SLC22A14: variants seen among roughly 807,000 people sequenced by gnomAD.
SLC22A14 encodes the protein solute carrier family 22 member 14, also known as organic cation transporter-like 4.
A neutral mutation model predicts 53.9 loss-of-function variants in SLC22A14; 50 were observed. That is an observed-to-expected ratio of 0.93 (90% CI 0.74 to 1.17). SLC22A14 has a LOEUF of 1.17. Among genes scored for constraint, SLC22A14 ranks in the 50% most tolerant of loss-of-function variants. The pLI is 0.00. For synonymous variants in SLC22A14, 312 were observed against 303.0 expected (o/e 1.03, Z -0.31); for missense variants, 671 against 734.7 (o/e 0.91, Z 1.00).
intron 1 of SLC22A14, among the ~76,000 whole-genome samples, chr3:38,282,594 C>T (rs1455261887): frequency 6.6e-6 from 1 of 152,154 alleles, no homozygotes; most frequent in Non-Finnish European, 1.5e-5. Flanking sequence ...CCTGGCTATG[C>T]TTCTCCCAGG....
At chr3:38,300,297 G>A (rs543614328) in intron 1 of SLC22A14, among the ~76,000 whole-genome samples, 34 of 152,204 alleles carry the variant, frequency 2.2e-4, no homozygotes, top group African/African-American at 7.2e-4. Context: ...AAAATTAGCC[G>A]GATGTGGTGG....
intron 10 of SLC22A14, among the ~76,000 whole-genome samples, chr3:38,317,763 C>T (rs974186393): frequency 1.3e-5 from 2 of 152,220 alleles, no homozygotes; most frequent in African/African-American, 2.4e-5. Flanking sequence ...TGCCTTATCT[C>T]GCTCTATCCT....
chr3:38,286,315 C>A (rs1410828243), intron 1 of SLC22A14, among the ~76,000 whole-genome samples: 1 of 152,178 alleles, frequency 6.6e-6, no homozygotes, highest in Admixed American at 6.5e-5. Context: ...ATTTGCATTT[C>A]CCTCATTATT....
At position 38,315,755 on chromosome 3, in the gene SLC22A14, G is replaced by A; in HGVS notation, c.1532+44G>A. On this transcript the variant is annotated intron_variant, in intron 9 of 10. Transcript: ENST00000448498. ...GAGGGGGCCATGGGGACATGCGCAG[G>A]GAGTGACAATGACAAGATTAATGCA... 3.2e-6 allele frequency: 5 copies of A among 1,583,778 alleles called. No homozygotes were observed. The South Asian group carries it at 3.3e-5, about 11-fold the overall frequency.
chr3:38,304,869 A>C (rs1704260427), intron 1 of SLC22A14, among the ~76,000 whole-genome samples: 1 of 152,036 alleles, frequency 6.6e-6, no homozygotes, highest in African/African-American at 2.4e-5. Context: ...TTTCGTCTCC[A>C]TTTCTCCTTG....
intron 1 of SLC22A14, among the ~76,000 whole-genome samples, chr3:38,299,683 C>T (rs185272336): frequency 6.6e-6 from 1 of 152,312 alleles, no homozygotes; most frequent in African/African-American, 2.4e-5. Context: ...TTGCTTTAGC[C>T]TCCCAAGTAG....
At chr3:38,302,896 T>G (rs1704201796) in intron 1 of SLC22A14, among the ~76,000 whole-genome samples, 1 of 152,178 alleles carries the variant, frequency 6.6e-6, no homozygotes, top group East Asian at 1.9e-4. Context: ...TGTGGGAAGA[T>G]TTTTTTACTT....
intron 1 of SLC22A14, among the ~76,000 whole-genome samples, chr3:38,284,036 G>A (rs192223315): frequency 6.6e-6 from 1 of 152,210 alleles, no homozygotes; most frequent in African/African-American, 2.4e-5. Flanking sequence ...CACCAAATGG[G>A]CTAGCCAAGG....
At chr3:38,287,399 T>C (rs1703816739) in intron 1 of SLC22A14, among the ~76,000 whole-genome samples, 1 of 152,172 alleles carries the variant, frequency 6.6e-6, no homozygotes, top group African/African-American at 2.4e-5. Flanking sequence ...TAGATTCCCT[T>C]ATATTTTCTA....
chr3:38,278,975 A>G (rs1703618422), upstream of SLC22A14, among the ~76,000 whole-genome samples: 1 of 152,176 alleles, frequency 6.6e-6, no homozygotes, highest in Non-Finnish European at 1.5e-5. Flanking sequence ...TTGCCTGGCC[A>G]CTGCCCCTGC....
chr3:38,295,617 C>T (rs927726699), intron 1 of SLC22A14, among the ~76,000 whole-genome samples: 7 of 151,654 alleles, frequency 4.6e-5, no homozygotes, highest in Non-Finnish European at 1.0e-4. Context: ...TTAAATTTAC[C>T]CTGGCTTTTA....
chr3:38,291,737 G>A (rs1057166687), intron 1 of SLC22A14, among the ~76,000 whole-genome samples: 1 of 152,218 alleles, frequency 6.6e-6, no homozygotes. Context: ...CCGTTGGCAA[G>A]TTTAACACTG....
chr3:38,295,101 G>GT (rs1356639423), intron 1 of SLC22A14, among the ~76,000 whole-genome samples: 2 of 152,080 alleles, frequency 1.3e-5, no homozygotes, highest in African/African-American at 4.8e-5. Flanking sequence ...ACCCATTGTG[G>GT]TTTTTTTCTC....
upstream of SLC22A14, among the ~76,000 whole-genome samples, chr3:38,281,862 A>G (rs1275444798): frequency 6.6e-6 from 1 of 152,198 alleles, no homozygotes; most frequent in Non-Finnish European, 1.5e-5. Flanking sequence ...ATGAAGCTTG[A>G]AGCCCTGTTC....
At position 38,313,076 on chromosome 3, in the gene SLC22A14, C is replaced by T. The variant is rs1704515992; in HGVS notation, c.1022C>T (p.Ala341Val). 6.2e-7 allele frequency: 1 copy of T among 1,605,976 alleles called. No individual in the cohort carries two copies. The highest frequency in any genetic ancestry group is 8.5e-7 in the Non-Finnish European group (1 of 1,176,686). ...KEAKQVLCYA[A>V]SVNKKTIPSN... is the part of the protein sequence containing the mutation. ...GCCAAGCAGGTGCTGTGCTACGCCG[C>T]AAGTGTGAACAAGAAGACCATTCCT... The change falls in exon 6 of 11, where the codon GCA becomes GTA. Residue 341 changes from alanine to valine, a missense_variant. By Grantham distance (64) the Ala-to-Val change is moderately conservative. Coordinates refer to ENST00000448498, the MANE Select transcript of SLC22A14 (RefSeq NM_001320033.2).
At chr3:38,292,408 C>T (rs992904238) in intron 1 of SLC22A14, among the ~76,000 whole-genome samples, 2 of 152,150 alleles carry the variant, frequency 1.3e-5, no homozygotes, top group Non-Finnish European at 2.9e-5. Context: ...TTTGGGAAAG[C>T]AGAGTATAAA....
rs1166703317 is a variant in SLC22A14, at chr3:38,306,386, A to AC, written c.364dup (p.Gln122ProfsTer30). 1 of 1,614,026 alleles carries AC rather than the reference A, an allele frequency of 6.2e-7. No homozygotes were observed. Among genetic ancestry groups the AC allele is most frequent in the East Asian group, 2.2e-5 (1 of 44,866 alleles). ...AAGCTGAGCAGCTGAATCTGACCAT[A>AC]CCCCAAGCACCCAATGGCAGTTTCC... is the stretch of plus-strand genomic sequence containing the variant. On this transcript the variant is annotated frameshift_variant, in exon 2 of 11. Transcript: ENST00000448498. LOFTEE classifies it high-confidence loss of function.
Position 38,306,322 on chromosome 3 carries a change from A to C in SLC22A14, c.296A>C (p.Asn99Thr), listed in dbSNP as rs1333686521. ...TTCACAGCCCAGAAGCCCTATTGCAATACCAGCTGGATCCTGGCAGTGGGC... is the reference window on the plus strand; with the variant it reads ...TTCACAGCCCAGAAGCCCTATTGCACTACCAGCTGGATCCTGGCAGTGGGC... The part of the protein sequence containing the change: ...FVFTAQKPYC[N>T]TSWILAVGPH... Residue 99 changes from asparagine (N) to threonine (T), a missense_variant, in exon 2 of 11, where the codon AAT (asparagine) becomes ACT (threonine). Asn to Thr is a moderately conservative substitution (Grantham distance 65, BLOSUM62 0). Coordinates refer to ENST00000448498, the MANE Select transcript of SLC22A14 (RefSeq NM_001320033.2). 1.2e-6 allele frequency: 2 copies of C among 1,613,994 alleles called. No homozygotes were observed. The highest frequency in any genetic ancestry group is 2.2e-5 in the East Asian group (1 of 44,884).
chr3:38,306,857 T>C (rs1311075795), intron 2 of SLC22A14, among the ~76,000 whole-genome samples: 1 of 152,224 alleles, frequency 6.6e-6, no homozygotes, highest in Non-Finnish European at 1.5e-5. Context: ...AGAAGCAGCT[T>C]TGATCAGGCA....
Sources: gnomAD v4.1 joint callset for allele counts (sites outside exome capture counted in the v4.1 genomes callset) on GRCh38, gnomAD v4.1.1 for gene constraint, MANE v1.5 for transcripts, NCBI Gene and HGNC (gene_info 2026-07-23, HGNC 2026-07-21) for gene names.